Variants in OPCML observed in about 807,000 individuals in gnomAD.
The protein encoded by OPCML is opioid-binding protein/cell adhesion molecule.
OPCML carries 13 observed loss-of-function variants against 37.8 expected under a neutral mutation model. The observed-to-expected ratio is 0.34, with a 90% CI of 0.22 to 0.55. The LOEUF is 0.55. Ranked by LOEUF, OPCML falls within the 20% of genes least tolerant of loss-of-function variation. OPCML has a pLI of 0.91. For synonymous variants in OPCML, 176 were observed against 168.8 expected (o/e 1.04, Z -0.33); for missense variants, 341 against 435.6 (o/e 0.78, Z 1.93).
chr11:132,992,073 C>T (rs1022042412), intron 1 of OPCML, among the ~76,000 whole-genome samples: 5 of 151,926 alleles, frequency 3.3e-5, no homozygotes, highest in African/African-American at 1.2e-4. Context: ...ATGATGAAGC[C>T]ATTGTATTGA....
chr11:132,572,636 A>T (rs11223133), intron 3 of OPCML, among the ~76,000 whole-genome samples: 79,013 of 151,916 alleles, frequency 0.52, 21,310 homozygotes, highest in Admixed American at 0.64. Flanking sequence ...AGTACCATAC[A>T]GTTTTGATTA....
intron 7 of OPCML, among the ~76,000 whole-genome samples, chr11:132,427,480 G>A (rs548614771): frequency 3.3e-5 from 5 of 152,248 alleles, no homozygotes; most frequent in East Asian, 1.9e-4. Flanking sequence ...TAATTACAGC[G>A]GCAAACGTGG....
intron 4 of OPCML, among the ~76,000 whole-genome samples, chr11:132,467,670 A>G (rs936846400): frequency 2.0e-5 from 3 of 152,226 alleles, no homozygotes; most frequent in African/African-American, 7.2e-5. Flanking sequence ...GAGTGCGGAA[A>G]TGAACTTTCT....
At chr11:132,814,425 A>G (rs559689530) in intron 2 of OPCML, among the ~76,000 whole-genome samples, 65 of 152,302 alleles carry the variant, frequency 4.3e-4, no homozygotes, top group African/African-American at 1.5e-3. Context: ...GGAGCCAATG[A>G]TGTAAATCCC....
intron 1 of OPCML, among the ~76,000 whole-genome samples, chr11:133,309,937 G>GACA: frequency 6.6e-6 from 1 of 152,218 alleles, no homozygotes; most frequent in Non-Finnish European, 1.5e-5. Context: ...TGCTGACTTT[G>GACA]AGGTGCTTCT....
At chr11:133,464,632 A>G (rs1480718617) in intron 1 of OPCML, among the ~76,000 whole-genome samples, 1 of 152,192 alleles carries the variant, frequency 6.6e-6, no homozygotes, top group Non-Finnish European at 1.5e-5. Context: ...GCCCACGGCA[A>G]GAAAGAGTAA....
intron 4 of OPCML, among the ~76,000 whole-genome samples, chr11:132,488,178 C>A (rs1007758132): frequency 1.6e-4 from 24 of 152,200 alleles, no homozygotes; most frequent in African/African-American, 5.8e-4. Flanking sequence ...TTCTAAGAGG[C>A]CTTGTGAAAA....
chr11:133,226,218 C>G (rs1046584869), intron 1 of OPCML, among the ~76,000 whole-genome samples: 8 of 152,286 alleles, frequency 5.3e-5, no homozygotes, highest in Admixed American at 3.9e-4. Context: ...GAACTCCACT[C>G]CCCCTCCTGC....
At chr11:133,215,338 T>C (rs1051715719) in intron 1 of OPCML, among the ~76,000 whole-genome samples, 2 of 152,210 alleles carry the variant, frequency 1.3e-5, no homozygotes, top group Non-Finnish European at 2.9e-5. Context: ...TCATTCTTTT[T>C]AGGAAGAAAA....
chr11:133,324,628 G>A (rs1285870350), intron 1 of OPCML, among the ~76,000 whole-genome samples: 1 of 152,204 alleles, frequency 6.6e-6, no homozygotes, highest in South Asian at 2.1e-4. Flanking sequence ...AGGGCAGTGG[G>A]ACCTCCGGCC....
chr11:132,491,159 A>C (rs778269259), intron 4 of OPCML, among the ~76,000 whole-genome samples: 4 of 152,132 alleles, frequency 2.6e-5, no homozygotes, highest in Non-Finnish European at 5.9e-5. Flanking sequence ...GCAACTCCTC[A>C]CTGGCTTCCT....
intron 1 of OPCML, among the ~76,000 whole-genome samples, chr11:133,035,623 G>C (rs2136933660): frequency 1.3e-5 from 2 of 152,248 alleles, no homozygotes; most frequent in South Asian, 4.2e-4. Context: ...TATTCTTGGG[G>C]ACTGAATCGT....
chr11:132,605,381 C>T (rs1455986701), intron 3 of OPCML, among the ~76,000 whole-genome samples: 2 of 151,170 alleles, frequency 1.3e-5, no homozygotes, highest in African/African-American at 4.9e-5. Flanking sequence ...CATGGTGAAA[C>T]CTCATCTCTA....
intron 1 of OPCML, among the ~76,000 whole-genome samples, chr11:133,194,787 A>AT (rs1938470484): frequency 6.6e-6 from 1 of 151,838 alleles, no homozygotes; most frequent in South Asian, 2.1e-4. Context: ...TCATCCCCAC[A>AT]TTTTCCCTTC....
chr11:133,138,430 G>A lies in OPCML; in HGVS notation c.62-195420C>T, dbSNP rs144659348. On this transcript the variant is annotated intron_variant, in intron 1 of 7. Transcript: ENST00000524381. ...CCATATGGGGAAAGGAGCATACGTA[G>A]AAACCTATTGCCCTCCTCCTCCATA... 1.9e-4 allele frequency among the ~76,000 whole-genome samples: 29 copies of A among 152,306 alleles called. No individual in the cohort carries two copies. In the East Asian group the frequency reaches 5.2e-3, roughly 27 times the overall value.
At chr11:133,283,924 C>A (rs557516829) in intron 1 of OPCML, among the ~76,000 whole-genome samples, 10 of 152,130 alleles carry the variant, frequency 6.6e-5, no homozygotes, top group African/African-American at 2.4e-4. Flanking sequence ...GAGGAGCTGG[C>A]CTGACACTCT....
chr11:132,629,834 T>C (rs1325693121), intron 3 of OPCML, among the ~76,000 whole-genome samples: 1 of 152,114 alleles, frequency 6.6e-6, no homozygotes. Flanking sequence ...AAGTTGGCCA[T>C]AATAATGGAT....
intron 1 of OPCML, among the ~76,000 whole-genome samples, chr11:133,049,940 G>C (rs1028625505): frequency 6.6e-6 from 1 of 152,208 alleles, no homozygotes; most frequent in African/African-American, 2.4e-5. Context: ...GCCAAACGCT[G>C]ATCTAGGTGC....
At chr11:133,069,559 C>T (rs566231471) in intron 1 of OPCML, among the ~76,000 whole-genome samples, 7 of 152,280 alleles carry the variant, frequency 4.6e-5, no homozygotes, top group Middle Eastern at 6.8e-3. Flanking sequence ...CACTATCAAA[C>T]GTGTGTGTGC....
Sources: gnomAD v4.1 joint callset for allele counts (sites outside exome capture counted in the v4.1 genomes callset) on GRCh38, gnomAD v4.1.1 for gene constraint, MANE v1.5 for transcripts, NCBI Gene and HGNC (gene_info 2026-07-23, HGNC 2026-07-21) for gene names.